KCNT2: variants seen among roughly 807,000 people sequenced by gnomAD.
KCNT2 encodes potassium sodium-activated channel subfamily T member 2, also known as potassium channel subfamily T member 2.
A neutral mutation model predicts 153.8 loss-of-function variants in KCNT2; 67 were observed. The ratio of observed to expected loss-of-function variants is 0.44; its 90% confidence interval spans 0.36 to 0.53. The LOEUF (loss-of-function observed/expected upper bound fraction) is 0.53, where lower values mean the gene tolerates loss of function less well. Ranked by LOEUF, KCNT2 falls within the 20% of genes least tolerant of loss-of-function variation. KCNT2 has a pLI of 0.00. For synonymous variants in KCNT2, 500 were observed against 458.8 expected, an observed-to-expected ratio of 1.09 and a Z score of -1.15; for missense variants, 975 against 1,354.8, an observed-to-expected ratio of 0.72 and a Z score of 4.40.
At chr1:196,484,306 GCTGTGTAAATGT>G (rs917454008) in intron 3 of KCNT2, among the ~76,000 whole-genome samples, 6 of 151,874 alleles carry the variant, frequency 4.0e-5, no homozygotes, top group Admixed American at 1.3e-4. Flanking sequence ...ATGTTCATTG[GCTGTGTAAATGT>G]CTTTTTTTTT....
At chr1:196,554,461 A>T (rs7523548) in intron 1 of KCNT2, among the ~76,000 whole-genome samples, 11,169 of 151,202 alleles carry the variant, frequency 0.074, 1,272 homozygotes, top group African/African-American at 0.24. Flanking sequence ...CTGAGAAGAA[A>T]TCCAAAACCT....
chr1:196,576,474 G>A (rs893086218), intron 1 of KCNT2, among the ~76,000 whole-genome samples: 2 of 152,114 alleles, frequency 1.3e-5, no homozygotes, highest in Non-Finnish European at 2.9e-5. Flanking sequence ...ATACTTCAGA[G>A]TAAAGTAGAT....
At chr1:196,453,147 A>G (rs1016561339) in intron 8 of KCNT2, among the ~76,000 whole-genome samples, 4 of 151,898 alleles carry the variant, frequency 2.6e-5, no homozygotes, top group African/African-American at 9.7e-5. Flanking sequence ...AAGTAACAGC[A>G]CCAATAGCTG....
chr1:196,380,567 A>G (rs1054084196), intron 13 of KCNT2, among the ~76,000 whole-genome samples: 2 of 152,152 alleles, frequency 1.3e-5, no homozygotes, highest in Non-Finnish European at 2.9e-5. Flanking sequence ...CAGTAAACCA[A>G]TCTAGTGCTG....
At chr1:196,294,183 A>T (rs923582835) in intron 22 of KCNT2, among the ~76,000 whole-genome samples, 2 of 152,222 alleles carry the variant, frequency 1.3e-5, no homozygotes, top group African/African-American at 4.8e-5. Flanking sequence ...AATGGCTACT[A>T]TCAAAAAGAC....
intron 8 of KCNT2, among the ~76,000 whole-genome samples, chr1:196,444,247 AAAG>A (rs562486124): frequency 1.1e-3 from 165 of 151,512 alleles, no homozygotes; most frequent in African/African-American, 3.7e-3. Flanking sequence ...TTAATATTAG[AAAG>A]AACTTACACT....
At chr1:196,544,500 T>A (rs1656807066) in intron 1 of KCNT2, among the ~76,000 whole-genome samples, 1 of 152,050 alleles carries the variant, frequency 6.6e-6, no homozygotes, top group South Asian at 2.1e-4. Context: ...TAAATATTTT[T>A]AAAATAATAA....
At chr1:196,400,249 T>C (rs1328133390) in intron 12 of KCNT2, among the ~76,000 whole-genome samples, 1 of 151,762 alleles carries the variant, frequency 6.6e-6, no homozygotes, top group African/African-American at 2.4e-5. Context: ...TCTCTTTCAC[T>C]AGAAGTACAC....
chr1:196,560,338 G>C (rs1422017914), intron 1 of KCNT2, among the ~76,000 whole-genome samples: 2 of 151,864 alleles, frequency 1.3e-5, no homozygotes, highest in African/African-American at 2.4e-5. Flanking sequence ...AATGATTTTG[G>C]TGTTGTAAGG....
At position 196,270,042 on chromosome 1, in the gene KCNT2, T is replaced by C. The variant is rs1269025940; in HGVS notation, c.2910+10818A>G. Among the ~76,000 whole-genome samples, 3 of 152,236 alleles carry C rather than the reference T, an allele frequency of 2.0e-5. No homozygotes were observed. In the East Asian group the frequency reaches 5.8e-4, roughly 29 times the overall value. On this transcript the variant is annotated intron_variant, in intron 25 of 27. Coordinates refer to ENST00000294725, the MANE Select transcript of KCNT2 (RefSeq NM_198503.5). The stretch of plus-strand genomic sequence containing the variant: ...GTTTTTCTTATGAAATCAGACTATT[T>C]CTGTTTTCTTTCACTGTGCAGTAGT...
At chr1:196,402,917 A>C (rs1487571360) in intron 12 of KCNT2, among the ~76,000 whole-genome samples, 2 of 151,668 alleles carry the variant, frequency 1.3e-5, no homozygotes, top group African/African-American at 4.8e-5. Context: ...GAAAACACCA[A>C]ATACTAGAGA....
chr1:196,519,313 T>A (rs1173584357), intron 1 of KCNT2, among the ~76,000 whole-genome samples: 2 of 152,100 alleles, frequency 1.3e-5, no homozygotes, highest in East Asian at 3.9e-4. Flanking sequence ...AGAGGGAAAT[T>A]TATAGCATTA....
chr1:196,458,438 T>C (rs1185000936), intron 8 of KCNT2, among the ~76,000 whole-genome samples: 2 of 151,908 alleles, frequency 1.3e-5, no homozygotes, highest in Non-Finnish European at 1.5e-5. Flanking sequence ...CACAAACCCA[T>C]ACAAAATAAT....
intron 1 of KCNT2, among the ~76,000 whole-genome samples, chr1:196,529,065 T>A (rs1218234148): frequency 6.6e-6 from 1 of 152,120 alleles, no homozygotes; most frequent in Non-Finnish European, 1.5e-5. Context: ...AGAGAAAAGA[T>A]TTTATATCAA....
chr1:196,458,546 A>G (rs1257696862), intron 8 of KCNT2, among the ~76,000 whole-genome samples: 1 of 151,962 alleles, frequency 6.6e-6, no homozygotes, highest in Non-Finnish European at 1.5e-5. Flanking sequence ...TAATTAATCT[A>G]CTTACTTAAA....
At position 196,326,731 on chromosome 1, in the gene KCNT2, C is replaced by A. The variant is rs753449350; in HGVS notation, c.2262G>T (p.Leu754=). 2.0e-6 allele frequency: 3 copies of A among 1,521,288 alleles called. No homozygotes were observed. The highest frequency in any genetic ancestry group is 2.9e-5 in the African/African-American group (2 of 69,238). The allele number at this position is 1,521,288 out of a possible 1,614,324, so 94.2% of individuals were successfully genotyped here. The part of the protein sequence containing the change: ...RPKKELNPIV[L]LLDNPPDMHF... ...AATATACTTACGGGTTATCCAATAG[C>A]AGTACTATGGGATTAAGTTCTTTCT... The change falls in exon 19 of 28, where the codon CTG becomes CTT. Residue 754 remains leucine, a synonymous_variant. Coordinates refer to ENST00000294725, the MANE Select transcript of KCNT2 (RefSeq NM_198503.5).
chr1:196,489,739 T>C (rs375058834), intron 3 of KCNT2, 99 bp downstream of exon 3: 20 of 690,206 alleles, frequency 2.9e-5, no homozygotes, highest in Admixed American at 3.1e-5. Flanking sequence ...AAAATACCCT[T>C]AAAAATTAAG....
chr1:196,426,121 A>G (rs2148530659), intron 10 of KCNT2, 133 bp from the exon 11 acceptor site: 1 of 661,056 alleles, frequency 1.5e-6, no homozygotes, highest in Admixed American at 2.9e-5. Flanking sequence ...AAAATTTCAC[A>G]TTTAAAACCT....
intron 13 of KCNT2, among the ~76,000 whole-genome samples, chr1:196,389,837 T>C (rs1246271074): frequency 1.3e-5 from 2 of 151,568 alleles, no homozygotes; most frequent in African/African-American, 4.8e-5. Flanking sequence ...GCTAAGTCAG[T>C]CTTACTAGCA....
Sources: gnomAD v4.1 joint callset for allele counts (sites outside exome capture counted in the v4.1 genomes callset) on GRCh38, gnomAD v4.1.1 for gene constraint, MANE v1.5 for transcripts, NCBI Gene and HGNC (gene_info 2026-07-23, HGNC 2026-07-21) for gene names.